IGDCC3: variants seen among roughly 807,000 people sequenced by gnomAD.
IGDCC3 encodes immunoglobulin superfamily DCC subclass member 3, also known as putative neuronal cell adhesion molecule.
Under a neutral mutation model 72.0 loss-of-function variants are expected in IGDCC3, and 47 were observed. The observed-to-expected ratio is 0.65, with a 90% CI of 0.52 to 0.83. The LOEUF (loss-of-function observed/expected upper bound fraction) is 0.83. IGDCC3 is among the 40% of genes least tolerant of loss of function. IGDCC3 has a pLI of 0.00. For missense variants in IGDCC3, 1,038 were observed against 1,091.3 expected, an observed-to-expected ratio of 0.95 and a Z score of 0.69; for synonymous variants, 477 against 472.8, an observed-to-expected ratio of 1.01 and a Z score of -0.11.
rs2090927775 is a variant in IGDCC3, at chr15:65,327,395, A to G, written c.*1514T>C. 1 of 152,152 alleles carries G rather than the reference A, an allele frequency of 6.6e-6. No individual in the cohort carries two copies. Among genetic ancestry groups the G allele is most frequent in the African/African-American group, 2.4e-5 (1 of 41,428 alleles). The allele number at this position is 152,152 out of a possible 1,614,324, so 9.4% of individuals were successfully genotyped here. ...GACACAGCTCTAGTTTTCTAGGAAA[A>G]CACCACAAATTCTATCTTCTTCAGC... On this transcript the variant is annotated 3_prime_UTR_variant, in exon 14 of 14. Coordinates refer to ENST00000327987, the MANE Select transcript of IGDCC3 (RefSeq NM_004884.4).
At position 65,375,305 on chromosome 15, in the gene IGDCC3, C is replaced by T; in HGVS notation, c.201G>A (p.Gly67=). ...QPIVLDCRVE[G]TPPVRITWRK... ...TCCAGGTGATTCGCACTGGAGGGGT[C>T]CCCTCCACCCTGCAGTCCAGCACTA... Residue 67 remains glycine, a synonymous_variant, in exon 2 of 14, where the codon GGG becomes GGA. Coordinates refer to ENST00000327987, the MANE Select transcript of IGDCC3 (RefSeq NM_004884.4). 5.6e-6 allele frequency: 9 copies of T among 1,614,148 alleles called. No individual in the cohort carries two copies. The highest frequency in any genetic ancestry group is 7.6e-6 in the Non-Finnish European group (9 of 1,180,028).
At chr15:65,343,914 A>G (rs2140149123) in intron 2 of IGDCC3, among the ~76,000 whole-genome samples, 1 of 152,318 alleles carries the variant, frequency 6.6e-6, no homozygotes, top group South Asian at 2.1e-4. Context: ...TGGTCTTGTC[A>G]TCAGGGTTCT....
intron 2 of IGDCC3, among the ~76,000 whole-genome samples, chr15:65,360,040 G>T (rs1186795043): frequency 1.3e-5 from 2 of 152,138 alleles, no homozygotes; most frequent in Non-Finnish European, 2.9e-5. Context: ...AGCCCTGAGG[G>T]TGCAGAGGAG....
rs1474973614 is a variant in IGDCC3, at chr15:65,375,383, T to A, written c.123A>T (p.Glu41Asp). ...CACTTGGCTCCACAGCAAATGCCAG[T>A]TCAGCAGAGTGGCCAAGACCTGCAT... ...APSEGLGHSA[E>D]LAFAVEPSDD... The change falls in exon 2 of 14, where the codon GAA (glutamate) becomes GAT (aspartate). Residue 41 changes from glutamate to aspartate, a missense_variant. Coordinates refer to ENST00000327987, the MANE Select transcript of IGDCC3 (RefSeq NM_004884.4). 3 of 1,604,024 alleles carry A rather than the reference T, an allele frequency of 1.9e-6. No individual in the cohort carries two copies. Among genetic ancestry groups the A allele is most frequent in the Non-Finnish European group, 2.6e-6 (3 of 1,171,858 alleles).
chr15:65,329,862 A>C lies in IGDCC3; in HGVS notation c.1861T>G (p.Leu621Val), dbSNP rs1248666516. 3.1e-6 allele frequency: 5 copies of C among 1,613,826 alleles called. No individual in the cohort carries two copies. The highest frequency in any genetic ancestry group is 4.2e-6 in the Non-Finnish European group (5 of 1,180,004). Reference protein sequence around the residue: ...SLRGASERTALSPPCDCRKEE... With the variant: ...SLRGASERTAVSPPCDCRKEE... ...TTCCGGCAGTCACATGGTGGGCTCA[A>C]GGCTGGGGACAGGGACGGGTTGGAG... The change falls in exon 12 of 14, where the codon TTG (leucine) becomes GTG (valine). Residue 621 changes from leucine (L) to valine (V), a missense_variant and splice_region_variant. Coordinates refer to ENST00000327987, the MANE Select transcript of IGDCC3 (RefSeq NM_004884.4). The surrounding 1 kb of genome is among the most constrained non-coding windows in gnomAD (Gnocchi z 4.1).
At position 65,329,402 on chromosome 15, in the gene IGDCC3, G is replaced by T; in HGVS notation, c.2193C>A (p.Asp731Glu). The change falls in exon 13 of 14, where the codon GAC becomes GAA. Residue 731 changes from aspartate to glutamate, a missense_variant. Asp to Glu is a conservative substitution (Grantham distance 45). Transcript: ENST00000327987. The surrounding 1 kb of genome is among the most constrained non-coding windows in gnomAD (Gnocchi z 4.1). ...FPPASAAGQP[D>E]PRPTQDPAAP... ...CATGGGCACTCACTGTGGGTCTGGG[G>T]TCCGGCTGCCCTGCTGCGCTGGCCG... The T allele has an allele frequency of 6.3e-7, 1 of 1,587,850 alleles. No homozygotes were observed. Among genetic ancestry groups the T allele is most frequent in the South Asian group, 1.1e-5 (1 of 87,444 alleles).
Position 65,328,816 on chromosome 15 carries a change from G to C in IGDCC3, c.*93C>G. 6.9e-7 allele frequency: 1 copy of C among 1,446,376 alleles called. No homozygotes were observed. The highest frequency in any genetic ancestry group is 1.5e-5 in the South Asian group (1 of 67,958). 89.6% of individuals were successfully genotyped at this position (1,446,376 alleles called of 1,614,324 possible). The stretch of plus-strand genomic sequence containing the variant: ...GATAGAAATGCTGGGGAGCCCCCAG[G>C]ACCATCCAAATCCCACATGACAGTA... On this transcript the variant is annotated 3_prime_UTR_variant, in exon 14 of 14. Transcript: ENST00000327987.
At chr15:65,346,844 T>C (rs1420420399) in intron 2 of IGDCC3, among the ~76,000 whole-genome samples, 3 of 152,096 alleles carry the variant, frequency 2.0e-5, no homozygotes, top group African/African-American at 4.8e-5. Context: ...CTCTGTAAAA[T>C]AGGGAAATGC....
intron 2 of IGDCC3, among the ~76,000 whole-genome samples, chr15:65,371,394 A>C (rs1321732005): frequency 6.6e-6 from 1 of 152,180 alleles, no homozygotes; most frequent in Non-Finnish European, 1.5e-5. Flanking sequence ...GACCCATGGA[A>C]GTCTGGCCCT....
At chr15:65,366,194 A>G (rs1288264905) in intron 2 of IGDCC3, among the ~76,000 whole-genome samples, 4 of 141,904 alleles carry the variant, frequency 2.8e-5, no homozygotes, top group Non-Finnish European at 6.1e-5. Flanking sequence ...GGCAAAAGAG[A>G]CAGACATTGT....
At chr15:65,333,911 T>A (rs1468386657) in intron 5 of IGDCC3, among the ~76,000 whole-genome samples, 1 of 152,160 alleles carries the variant, frequency 6.6e-6, no homozygotes, top group Non-Finnish European at 1.5e-5. Flanking sequence ...TTGGACCAGA[T>A]GGTCCCTGGA....
intron 2 of IGDCC3, among the ~76,000 whole-genome samples, chr15:65,362,719 C>T (rs1222824575): frequency 6.6e-6 from 1 of 152,152 alleles, no homozygotes. Context: ...AGCTTGAACC[C>T]AGAGCCGGTC....
intron 2 of IGDCC3, among the ~76,000 whole-genome samples, chr15:65,363,171 A>G (rs1688591758): frequency 6.6e-6 from 1 of 152,072 alleles, no homozygotes; most frequent in Admixed American, 6.6e-5. Flanking sequence ...GTTTGGGGGT[A>G]AATTCTAGGT....
chr15:65,351,150 A>C (rs1222906034), intron 2 of IGDCC3, among the ~76,000 whole-genome samples: 2 of 152,258 alleles, frequency 1.3e-5, no homozygotes, highest in Non-Finnish European at 2.9e-5. Flanking sequence ...GTTTTTCCAT[A>C]AATTAAACAT....
At chr15:65,331,353 T>C (rs912246031) in intron 8 of IGDCC3, 59 bp downstream of exon 8, 4 of 1,569,696 alleles carry the variant, frequency 2.5e-6, no homozygotes, top group Non-Finnish European at 2.6e-6. Flanking sequence ...ACGTGCAGGA[T>C]TGGAAGGAAT....
intron 2 of IGDCC3, among the ~76,000 whole-genome samples, chr15:65,363,059 C>T (rs1455501700): frequency 6.6e-6 from 1 of 151,922 alleles, no homozygotes; most frequent in Non-Finnish European, 1.5e-5. Flanking sequence ...GGGGTTTCAC[C>T]ATGTTGGCTG....
chr15:65,374,966 G>T, intron 2 of IGDCC3, 131 bp downstream of exon 2: 1 of 736,068 alleles, frequency 1.4e-6, no homozygotes, highest in South Asian at 1.8e-5. Context: ...CCTCAAAACC[G>T]ACCCATGCTG....
intron 2 of IGDCC3, among the ~76,000 whole-genome samples, chr15:65,367,346 CA>C (rs10609381): frequency 0.27 from 20,339 of 74,688 alleles, 966 homozygotes; most frequent in East Asian, 0.47. Flanking sequence ...GACTTTGTCT[CA>C]AAAAAAAAAA....
chr15:65,368,526 G>A (rs1447702784), intron 2 of IGDCC3, among the ~76,000 whole-genome samples: 1 of 152,154 alleles, frequency 6.6e-6, no homozygotes, highest in African/African-American at 2.4e-5. Context: ...TCTGCGGGTG[G>A]GGGTGAGTGG....
Sources: allele counts gnomAD v4.1 joint callset (sites outside exome capture counted in the v4.1 genomes callset), GRCh38; gene constraint gnomAD v4.1.1; non-coding constraint Gnocchi (gnomAD v3.1); transcripts MANE v1.5; gene names NCBI Gene and HGNC (gene_info 2026-07-23, HGNC 2026-07-21).